Variants in RNF144A observed in about 807,000 individuals in gnomAD.
RNF144A encodes the protein E3 ubiquitin-protein ligase RNF144A.
RNF144A carries 11 observed loss-of-function variants against 38.7 expected under a neutral mutation model. That is an observed-to-expected ratio of 0.28 (90% CI 0.18 to 0.47). RNF144A has a LOEUF of 0.47. Ranked by LOEUF, RNF144A falls within the 20% of genes least tolerant of loss-of-function variation. The pLI is 0.99. For synonymous variants in RNF144A, 149 were observed against 143.9 expected, an observed-to-expected ratio of 1.04 and a Z score of -0.25; for missense variants, 316 against 377.2, an observed-to-expected ratio of 0.84 and a Z score of 1.34.
At chr2:7,074,528 T>A in the RNF144A span, 15 of 152,346 alleles carry the variant, frequency 9.8e-5, no homozygotes, top group Non-Finnish European at 5.9e-5. Flanking sequence ...GTCAATAATT[T>A]GTTGTAGTTG....
intron 2 of RNF144A, among the ~76,000 whole-genome samples, chr2:6,985,268 C>CTTTTTTTTTTTT (rs1558405817): frequency 1.6e-5 from 2 of 128,612 alleles, no homozygotes; most frequent in Admixed American, 8.5e-5. Context: ...TCCCTCCCCC[C>CTTTTTTTTTTTT]TCTTTTTTTT....
intron 2 of RNF144A, among the ~76,000 whole-genome samples, chr2:6,996,019 G>A (rs1250609168): frequency 1.3e-5 from 2 of 152,210 alleles, no homozygotes; most frequent in East Asian, 3.9e-4. Context: ...GAGTGGTTAG[G>A]GAACTGTTTT....
intron 2 of RNF144A, among the ~76,000 whole-genome samples, chr2:6,971,200 C>G (rs1667981789): frequency 6.6e-6 from 1 of 152,156 alleles, no homozygotes; most frequent in African/African-American, 2.4e-5. Flanking sequence ...GGACAGTAAC[C>G]TCTGGCTGGG....
At chr2:6,927,752 G>T (rs1415960810) in intron 1 of RNF144A, among the ~76,000 whole-genome samples, 1 of 152,230 alleles carries the variant, frequency 6.6e-6, no homozygotes, top group Non-Finnish European at 1.5e-5. Flanking sequence ...TGTATGTTGA[G>T]ATGATTATAT....
intron 3 of RNF144A, among the ~76,000 whole-genome samples, chr2:7,002,702 C>T (rs924678964): frequency 3.3e-5 from 5 of 152,160 alleles, no homozygotes; most frequent in African/African-American, 1.2e-4. Context: ...CTGAAAAATG[C>T]ATTCTGCCTA....
At chr2:7,058,683 T>C (rs1038171559) in intron 6 of RNF144A, among the ~76,000 whole-genome samples, 2 of 152,228 alleles carry the variant, frequency 1.3e-5, no homozygotes, top group African/African-American at 4.8e-5. Context: ...CTAAATCTCC[T>C]CTATTATGTC....
At chr2:7,015,744 T>C (rs964134855) in intron 5 of RNF144A, among the ~76,000 whole-genome samples, 8 of 152,184 alleles carry the variant, frequency 5.3e-5, no homozygotes, top group African/African-American at 1.9e-4. Context: ...ACACTCCATA[T>C]GCAGAACATC....
chr2:7,055,420 TC>T (rs1218024888), intron 6 of RNF144A, among the ~76,000 whole-genome samples: 1 of 152,164 alleles, frequency 6.6e-6, no homozygotes, highest in African/African-American at 2.4e-5. Flanking sequence ...GCCTACTCCT[TC>T]CCTGCAGCTC....
intron 1 of RNF144A, among the ~76,000 whole-genome samples, chr2:6,940,323 G>A (rs13027642): frequency 0.32 from 48,363 of 151,838 alleles, 8,037 homozygotes; most frequent in South Asian, 0.4. Flanking sequence ...ATTCTTTCTG[G>A]TGCTATTCTA....
At position 6,942,017 on chromosome 2, in the gene RNF144A, A is replaced by G. The variant is rs74466329; in HGVS notation, c.-12+870A>G. 5.8e-3 allele frequency among the ~76,000 whole-genome samples: 889 copies of G among 152,350 alleles called. 12 individuals carry two copies. Among genetic ancestry groups the G allele is most frequent in the African/African-American group, 0.02 (831 of 41,582 alleles). On this transcript the variant is annotated intron_variant, in intron 2 of 8. Coordinates refer to ENST00000320892, the MANE Select transcript of RNF144A (RefSeq NM_014746.6). ...GGTTTTAAGCAGAGAAGCAGGGTCT[A>G]TTTCATTTTAAATGGCTTACTCTGG...
rs1285514014 is a variant in RNF144A at position 6,941,810 on chromosome 2, G to C, written c.-12+663G>C. Among the ~76,000 whole-genome samples, 6 of 152,386 alleles carry C rather than the reference G, an allele frequency of 3.9e-5. No homozygotes were observed. The highest frequency in any genetic ancestry group is 3.3e-4 in the Admixed American group (5 of 15,314). ...CACTTAGCATCTGGGCAAGAGCGCT[G>C]TAGACAGAAGGGCTGGTGGCTGCAG... On this transcript the variant is annotated intron_variant, in intron 2 of 8. Transcript: ENST00000320892. The surrounding 1 kb of genome is among the most constrained non-coding windows in gnomAD (Gnocchi z 6.5).
chr2:7,058,350 A>G (rs1195278041), intron 6 of RNF144A, among the ~76,000 whole-genome samples: 1 of 152,064 alleles, frequency 6.6e-6, no homozygotes, highest in East Asian at 1.9e-4. Flanking sequence ...AAAAAAAAAA[A>G]AAAAAAGTAA....
chr2:6,981,250 C>T (rs1043964505), intron 2 of RNF144A, among the ~76,000 whole-genome samples: 3 of 152,166 alleles, frequency 2.0e-5, no homozygotes, highest in African/African-American at 4.8e-5. Flanking sequence ...ATTTCTGCAG[C>T]GGGCTTGAAT....
intron 6 of RNF144A, among the ~76,000 whole-genome samples, chr2:7,058,593 CTTT>C (rs1673832771): frequency 6.6e-6 from 1 of 152,074 alleles, no homozygotes; most frequent in South Asian, 2.1e-4. Flanking sequence ...AGGATAAAAA[CTTT>C]TTATTAAACA....
chr2:7,001,367 A>T (rs1055218607), intron 3 of RNF144A, among the ~76,000 whole-genome samples: 1 of 151,688 alleles, frequency 6.6e-6, no homozygotes, highest in East Asian at 1.9e-4. Context: ...AAATTAAAAT[A>T]AATAAAAAAA....
chr2:6,987,758 C>T (rs1669048074), intron 2 of RNF144A, among the ~76,000 whole-genome samples: 1 of 152,194 alleles, frequency 6.6e-6, no homozygotes, highest in Admixed American at 6.5e-5. Context: ...TTCCTCTGGC[C>T]CCTGGGTTCT....
At chr2:6,919,554 A>C (rs994207082) in intron 1 of RNF144A, among the ~76,000 whole-genome samples, 1 of 152,090 alleles carries the variant, frequency 6.6e-6, no homozygotes, top group African/African-American at 2.4e-5. Flanking sequence ...GGGTGATCTG[A>C]GCCCTGCTTT....
intron 6 of RNF144A, among the ~76,000 whole-genome samples, chr2:7,056,633 A>G (rs925175915): frequency 2.0e-5 from 3 of 151,884 alleles, no homozygotes; most frequent in South Asian, 2.1e-4. Flanking sequence ...CGGGTTTTCA[A>G]TATCCTCCCA....
At chr2:6,921,112 G>A (rs1448656396) in intron 1 of RNF144A, among the ~76,000 whole-genome samples, 2 of 152,218 alleles carry the variant, frequency 1.3e-5, no homozygotes, top group African/African-American at 4.8e-5. Flanking sequence ...TTTCAGAAGA[G>A]TGGATTTTTT....
Sources: gnomAD v4.1 joint callset for allele counts (sites outside exome capture counted in the v4.1 genomes callset) on GRCh38, gnomAD v4.1.1 for gene constraint, Gnocchi (gnomAD v3.1) non-coding constraint, MANE v1.5 for transcripts, NCBI Gene and HGNC (gene_info 2026-07-23, HGNC 2026-07-21) for gene names.